TMED3: variants seen among roughly 807,000 people sequenced by gnomAD.
TMED3 encodes the protein transmembrane p24 trafficking protein 3, also known as transmembrane emp24 domain-containing protein 3.
TMED3 carries 9 observed loss-of-function variants against 15.0 expected under a neutral mutation model. The ratio of observed to expected loss-of-function variants is 0.60; its 90% CI spans 0.36 to 1.04. TMED3 has a LOEUF of 1.04. TMED3 is among the 50% of genes least tolerant of loss of function. The probability of loss-of-function intolerance (pLI) is 0.01; values close to 1 mark genes in which losing one functional copy is unlikely to be tolerated. For synonymous variants in TMED3, 117 were observed against 121.4 expected, an observed-to-expected ratio of 0.96 and a Z score of 0.24; for missense variants, 267 against 278.9, an observed-to-expected ratio of 0.96 and a Z score of 0.30.
At chr15:79,372,426 C>G (rs113827910) in intron 2 of TMED3, among the ~76,000 whole-genome samples, 1,553 of 152,342 alleles carry the variant, frequency 0.01, 16 homozygotes, top group African/African-American at 0.036. Context: ...CTGTATTAGT[C>G]TGTTCTCACA....
downstream of TMED3, among the ~76,000 whole-genome samples, chr15:79,327,158 A>G (rs1358478092): frequency 2.6e-5 from 4 of 152,180 alleles, no homozygotes; most frequent in Non-Finnish European, 5.9e-5. Context: ...CCCCATCTCC[A>G]ACACTGGTAT....
At chr15:79,405,353 T>A (rs1017975258) in intron 2 of TMED3, among the ~76,000 whole-genome samples, 5 of 152,222 alleles carry the variant, frequency 3.3e-5, no homozygotes, top group African/African-American at 9.6e-5. Flanking sequence ...CCCAGTCACA[T>A]GGCCTGAGTG....
At chr15:79,355,764 C>G in intron 2 of TMED3, among the ~76,000 whole-genome samples, 1 of 152,140 alleles carries the variant, frequency 6.6e-6, no homozygotes, top group East Asian at 1.9e-4. Context: ...TCCAAGGAGC[C>G]GGCCTGACCC....
chr15:79,387,124 T>C (rs1318826882), intron 2 of TMED3, among the ~76,000 whole-genome samples: 1 of 152,084 alleles, frequency 6.6e-6, no homozygotes, highest in Non-Finnish European at 1.5e-5. Context: ...CCAAACATTC[T>C]CTGCCCCCAA....
chr15:79,354,512 G>A (rs879356577), intron 2 of TMED3, among the ~76,000 whole-genome samples: 4 of 151,866 alleles, frequency 2.6e-5, no homozygotes, highest in Non-Finnish European at 4.4e-5. Context: ...TATGGATTCT[G>A]TCTGCTGATA....
intron 2 of TMED3, among the ~76,000 whole-genome samples, chr15:79,394,391 G>A (rs928593908): frequency 6.6e-6 from 1 of 152,194 alleles, no homozygotes; most frequent in Non-Finnish European, 1.5e-5. Context: ...CTCTGGCTAG[G>A]AAGGCTGAGA....
At position 79,406,001 on chromosome 15, in the gene TMED3, A is replaced by ATAC. The variant is rs559442905; in HGVS notation, c.418-5396_418-5394dup. On this transcript the variant is annotated intron_variant, in intron 2 of 2. Transcript: ENST00000424155. The stretch of plus-strand genomic sequence containing the variant: ...GCTGTGTTTATTTCTTTCAGTAAAG[A>ATAC]TACTATATCTGGCATAGCGGTTGCA... 5.4e-3 allele frequency among the ~76,000 whole-genome samples: 826 copies of ATAC among 152,350 alleles called. 6 individuals are homozygous for ATAC. Among genetic ancestry groups the ATAC allele is most frequent in the Middle Eastern group, 0.02 (6 of 294 alleles).
chr15:79,369,415 T>C (rs1893295976), intron 2 of TMED3, among the ~76,000 whole-genome samples: 1 of 152,204 alleles, frequency 6.6e-6, no homozygotes, highest in Admixed American at 6.5e-5. Context: ...GACTGCCACC[T>C]TGCTGGCTTC....
intron 2 of TMED3, among the ~76,000 whole-genome samples, chr15:79,403,457 T>G (rs1021444352): frequency 3.9e-5 from 6 of 152,122 alleles, no homozygotes; most frequent in Non-Finnish European, 5.9e-5. Context: ...TTCTTACCAT[T>G]GTGTGGTGGT....
At chr15:79,342,028 T>C (rs1026310297) in intron 2 of TMED3, among the ~76,000 whole-genome samples, 4 of 152,022 alleles carry the variant, frequency 2.6e-5, no homozygotes, top group Non-Finnish European at 5.9e-5. Context: ...AAAAACACAT[T>C]AAAGATGAGA....
At chr15:79,407,733 G>A (rs1332314375) in intron 2 of TMED3, among the ~76,000 whole-genome samples, 1 of 152,186 alleles carries the variant, frequency 6.6e-6, no homozygotes, top group Non-Finnish European at 1.5e-5. Flanking sequence ...TGTGATAGGG[G>A]CTGTATGGTC....
intron 2 of TMED3, among the ~76,000 whole-genome samples, chr15:79,368,001 C>T (rs1334973408): frequency 6.6e-6 from 1 of 152,144 alleles, no homozygotes; most frequent in African/African-American, 2.4e-5. Flanking sequence ...GAGCTCAGTC[C>T]TCAGCTCCCC....
At chr15:79,337,625 C>G (rs1478693823) in intron 2 of TMED3, among the ~76,000 whole-genome samples, 1 of 152,172 alleles carries the variant, frequency 6.6e-6, no homozygotes, top group Non-Finnish European at 1.5e-5. Flanking sequence ...TGAATTACTT[C>G]CCTTTTTCCT....
At chr15:79,392,867 A>G (rs1011080164) in intron 2 of TMED3, among the ~76,000 whole-genome samples, 1 of 152,210 alleles carries the variant, frequency 6.6e-6, no homozygotes, top group Non-Finnish European at 1.5e-5. Flanking sequence ...ACACAAAGCT[A>G]AAGGCTGTAC....
chr15:79,374,277 T>C (rs1893391206), intron 2 of TMED3, among the ~76,000 whole-genome samples: 1 of 152,198 alleles, frequency 6.6e-6, no homozygotes, highest in Admixed American at 6.5e-5. Context: ...AAAGAGACTG[T>C]TTTGTCAGTC....
chr15:79,399,946 A>T (rs1441174009), intron 2 of TMED3, among the ~76,000 whole-genome samples: 2 of 152,154 alleles, frequency 1.3e-5, no homozygotes, highest in Non-Finnish European at 2.9e-5. Context: ...CTACTTTGCA[A>T]GTAGGGTAAT....
At chr15:79,381,469 G>A (rs7177291) in intron 2 of TMED3, among the ~76,000 whole-genome samples, 28,446 of 152,116 alleles carry the variant, frequency 0.19, 3,251 homozygotes, top group African/African-American at 0.32. Context: ...CCTCTGGAGC[G>A]GTAAGGAGGT....
chr15:79,365,962 T>C (rs73473731), intron 2 of TMED3, among the ~76,000 whole-genome samples: 5,041 of 152,048 alleles, frequency 0.033, 256 homozygotes, highest in African/African-American at 0.11. Flanking sequence ...TTGTGTGGAG[T>C]CCTAATTAGG....
chr15:79,336,391 C>A (rs183471097), intron 2 of TMED3, among the ~76,000 whole-genome samples: 5 of 152,308 alleles, frequency 3.3e-5, no homozygotes, highest in Admixed American at 3.3e-4. Flanking sequence ...GGCACAGTGG[C>A]TCATGCCTGT....
Sources: gnomAD v4.1 joint callset for allele counts (sites outside exome capture counted in the v4.1 genomes callset) on GRCh38, gnomAD v4.1.1 for gene constraint, MANE v1.5 for transcripts, NCBI Gene and HGNC (gene_info 2026-07-23, HGNC 2026-07-21) for gene names.